AK9: variants seen among roughly 807,000 people sequenced by gnomAD.
AK9 encodes the protein adenylate kinase domain containing 1.
Under a neutral mutation model 239.6 loss-of-function variants are expected in AK9, and 191 were observed. That is an observed-to-expected ratio of 0.80 (90% confidence interval 0.71 to 0.90). The LOEUF is 0.90. AK9 is among the 40% of genes least tolerant of loss of function. The probability of loss-of-function intolerance (pLI) is 0.00; values close to 1 mark genes in which losing one functional copy is unlikely to be tolerated. For missense variants in AK9, 1,995 were observed against 2,214.7 expected (o/e 0.90, Z 1.99); for synonymous variants, 689 against 721.0 (o/e 0.96, Z 0.71).
At chr6:109,680,393 C>A (rs180874060) in intron 1 of AK9, among the ~76,000 whole-genome samples, 2 of 151,946 alleles carry the variant, frequency 1.3e-5, no homozygotes, top group Admixed American at 6.6e-5. Context: ...AGATAGAAGA[C>A]AAGATTAGAG....
intron 26 of AK9, among the ~76,000 whole-genome samples, chr6:109,545,661 C>T (rs1225013719): frequency 1.3e-5 from 2 of 152,034 alleles, no homozygotes; most frequent in Non-Finnish European, 2.9e-5. Flanking sequence ...TGCCTGGTCT[C>T]GGTATGTCTT....
intron 10 of AK9, among the ~76,000 whole-genome samples, chr6:109,638,096 AAGG>A (rs1562530134): frequency 1.3e-5 from 2 of 152,218 alleles, no homozygotes; most frequent in Admixed American, 6.5e-5. Flanking sequence ...TTTTATGAAA[AAGG>A]AGGCAGGTTC....
chr6:109,638,762 A>G (rs1797026551), intron 10 of AK9, among the ~76,000 whole-genome samples: 1 of 152,170 alleles, frequency 6.6e-6, no homozygotes, highest in Non-Finnish European at 1.5e-5. Flanking sequence ...TCAACTTGTC[A>G]TTTACATTAG....
At chr6:109,583,456 C>A (rs1488300175) in intron 19 of AK9, among the ~76,000 whole-genome samples, 1 of 152,140 alleles carries the variant, frequency 6.6e-6, no homozygotes, top group African/African-American at 2.4e-5. Context: ...AAGTTTCTCT[C>A]TTTTCTAACC....
At chr6:109,597,605 G>A (rs543521062) in intron 17 of AK9, among the ~76,000 whole-genome samples, 3 of 152,182 alleles carry the variant, frequency 2.0e-5, no homozygotes, top group Middle Eastern at 3.4e-3. Flanking sequence ...CCTGGGAGGC[G>A]GAGCTTGCAG....
intron 33 of AK9, among the ~76,000 whole-genome samples, chr6:109,508,538 A>G (rs912557811): frequency 2.0e-5 from 3 of 152,152 alleles, no homozygotes; most frequent in African/African-American, 7.2e-5. Flanking sequence ...TATGGGTCAC[A>G]GACAAGGAAA....
In AK9 at chr6:109,499,186, C is replaced by T. The variant is rs749268272; in HGVS notation, c.4904G>A (p.Arg1635His). The T allele has an allele frequency of 7.5e-6, 12 of 1,592,032 alleles. No homozygotes were observed. The highest frequency in any genetic ancestry group is 1.7e-4 in the Middle Eastern group (1 of 5,994). The change falls in exon 36 of 41, where the codon CGC becomes CAC. Residue 1635 changes from arginine (R) to histidine (H), a missense_variant. Arg to His is a conservative substitution (Grantham distance 29). Transcript: ENST00000424296. ...LCITPQELLS[R>H]LGEFEQFCPV... ...GCAGAACTGTTCAAATTCTCCCAGGCGAGAAAGCAGCTCTTGAGGTGTGAT... is the reference window on the plus strand; with the variant it reads ...GCAGAACTGTTCAAATTCTCCCAGGTGAGAAAGCAGCTCTTGAGGTGTGAT...
intron 6 of AK9, 109 bp downstream of exon 6, chr6:109,662,442 A>G (rs1800556899): frequency 2.2e-6 from 2 of 923,216 alleles, no homozygotes; most frequent in South Asian, 3.9e-5. Flanking sequence ...TGATTGATGC[A>G]TAAGTTATTA....
At chr6:109,626,636 C>T (rs1328336678) in intron 12 of AK9, among the ~76,000 whole-genome samples, 1 of 152,210 alleles carries the variant, frequency 6.6e-6, no homozygotes, top group Non-Finnish European at 1.5e-5. Context: ...GCCTATTGCT[C>T]CTAGGCTACA....
intron 17 of AK9, among the ~76,000 whole-genome samples, chr6:109,593,356 AT>A (rs1790545290): frequency 6.6e-6 from 1 of 152,130 alleles, no homozygotes; most frequent in Non-Finnish European, 1.5e-5. Context: ...GAGTTCTGAA[AT>A]TGAGGCAGTA....
chr6:109,497,360 A>ACTCTCTCTCTCT (rs1199537013), intron 38 of AK9, 105 bp downstream of exon 38: 6 of 557,878 alleles, frequency 1.1e-5, no homozygotes, highest in South Asian at 3.7e-5. Context: ...ACACACACAC[A>ACTCTCTCTCTCT]CACTCTCTCT....
rs1359161195 is a variant in AK9, at chr6:109,675,611, T to C, written c.117+18A>G. 1 of 1,357,078 alleles carries C rather than the reference T, an allele frequency of 7.4e-7. No homozygotes were observed. The highest frequency in any genetic ancestry group is 9.9e-7 in the Non-Finnish European group (1 of 1,012,874). 84.1% of individuals were successfully genotyped at this position (1,357,078 alleles called of 1,614,324 possible). ...TAAAAATAAAAAAAATTATACCAAA[T>C]AATAAGAGATAACTTACTGGTTTCC... On this transcript the variant is annotated intron_variant, in intron 2 of 40. Coordinates refer to ENST00000424296, the MANE Select transcript of AK9 (RefSeq NM_001145128.3).
chr6:109,651,632 C>G (rs1291769740), intron 8 of AK9, among the ~76,000 whole-genome samples: 1 of 152,056 alleles, frequency 6.6e-6, no homozygotes, highest in Non-Finnish European at 1.5e-5. Context: ...AATCCAGAAG[C>G]TGGTTTTTTG....
At chr6:109,516,187 A>G (rs1779257799) in intron 30 of AK9, 112 bp from the exon 31 acceptor site, 1 of 1,039,132 alleles carries the variant, frequency 9.6e-7, no homozygotes. Context: ...CAGAACACAA[A>G]TATTTTTCAG....
At chr6:109,513,971 A>C (rs866022249) in intron 32 of AK9, among the ~76,000 whole-genome samples, 1 of 152,202 alleles carries the variant, frequency 6.6e-6, no homozygotes, top group Non-Finnish European at 1.5e-5. Flanking sequence ...CCATGACTTC[A>C]CCCTGCATTC....
chr6:109,543,757 T>A (rs1225258888), intron 26 of AK9, among the ~76,000 whole-genome samples: 1 of 151,418 alleles, frequency 6.6e-6, no homozygotes, highest in Non-Finnish European at 1.5e-5. Flanking sequence ...CCGATATACA[T>A]TTTTTAAATT....
intron 24 of AK9, among the ~76,000 whole-genome samples, chr6:109,551,517 CAAAA>C (rs34978650): frequency 1.6e-5 from 2 of 123,814 alleles, no homozygotes. Context: ...GACTCCATCT[CAAAA>C]AAAAAAAAAA....
At chr6:109,591,846 C>T (rs1039978979) in intron 17 of AK9, among the ~76,000 whole-genome samples, 3 of 126,440 alleles carry the variant, frequency 2.4e-5, no homozygotes, top group Non-Finnish European at 5.3e-5. Context: ...TTTTTTAAAA[C>T]CCTTTTCCTA....
chr6:109,547,345 C>A (rs1296280913), intron 25 of AK9, among the ~76,000 whole-genome samples: 1 of 152,158 alleles, frequency 6.6e-6, no homozygotes, highest in African/African-American at 2.4e-5. Context: ...GTAATCCTAT[C>A]CCAGGGAGCT....
Sources: gnomAD v4.1 joint callset for allele counts (sites outside exome capture counted in the v4.1 genomes callset) on GRCh38, gnomAD v4.1.1 for gene constraint, MANE v1.5 for transcripts, NCBI Gene and HGNC (gene_info 2026-07-23, HGNC 2026-07-21) for gene names.